Variants in VPS53 observed in about 807,000 individuals in gnomAD.
The protein encoded by VPS53 is vacuolar protein sorting-associated protein 53 homolog.
VPS53 carries 70 observed loss-of-function variants against 107.0 expected under a neutral mutation model. The observed-to-expected ratio is 0.65, with a 90% CI of 0.54 to 0.80. The LOEUF is 0.80. Ranked by LOEUF, VPS53 falls within the 30% of genes least tolerant of loss-of-function variation. VPS53 has a pLI of 0.00. For synonymous variants in VPS53, 409 were observed against 393.3 expected (o/e 1.04, Z -0.47); for missense variants, 917 against 1,049.4 (o/e 0.87, Z 1.74).
rs10677094 is a variant in VPS53, at chr17:525,996, CAAAAAAAAAA to C, written c.2086-4268_2086-4259del. On this transcript the variant is annotated intron_variant, in intron 19 of 21. Coordinates refer to ENST00000437048, the MANE Select transcript of VPS53 (RefSeq NM_001128159.3). ...TGGGCAACACGGTGAGACATTTTCT[CAAAAAAAAAA>C]AAAAAAAAAAAAAAGATGTAAAGTA... Among the ~76,000 whole-genome samples the C allele has an allele frequency of 1.1e-4, 8 of 74,686 alleles. No individual in the cohort carries two copies. In the Admixed American group the frequency reaches 1.3e-3, roughly 13 times the overall value. The allele number at this position is 74,686 out of a possible 152,430, so 49.0% of individuals were successfully genotyped here.
intron 20 of VPS53, 35 bp downstream of exon 20, chr17:521,566 A>T (rs1424368497): frequency 6.7e-7 from 1 of 1,503,248 alleles, no homozygotes; most frequent in African/African-American, 1.4e-5. Flanking sequence ...AAGAGATTAA[A>T]TAAATAACTG....
At chr17:682,223 C>T (rs1283760448) in intron 4 of VPS53, among the ~76,000 whole-genome samples, 1 of 152,072 alleles carries the variant, frequency 6.6e-6, no homozygotes, top group African/African-American at 2.4e-5. Context: ...GGATTAGCTG[C>T]AGTGTGGGAT....
chr17:595,976 G>A (rs149604061), intron 12 of VPS53, among the ~76,000 whole-genome samples: 27,575 of 145,562 alleles, frequency 0.19, 2,025 homozygotes, highest in Non-Finnish European at 0.25. Flanking sequence ...CCCCCTGGAG[G>A]AAGCTGGGAG....
chr17:586,212 A>C, intron 13 of VPS53, 58 bp downstream of exon 13: 2 of 1,521,366 alleles, frequency 1.3e-6, no homozygotes, highest in East Asian at 2.3e-5. Context: ...CCTAAGACCC[A>C]GTCATGACCA....
intron 2 of VPS53, among the ~76,000 whole-genome samples, chr17:709,885 G>A (rs551857073): frequency 2.8e-4 from 42 of 152,246 alleles, no homozygotes; most frequent in African/African-American, 9.9e-4. Flanking sequence ...AGTGGCTCAC[G>A]CCTGTAATCC....
chr17:635,878 G>A (rs540445864), intron 7 of VPS53, among the ~76,000 whole-genome samples: 39 of 152,240 alleles, frequency 2.6e-4, no homozygotes, highest in Middle Eastern at 3.4e-3. Flanking sequence ...TTGGCAATGC[G>A]GGACCTTTTT....
intron 4 of VPS53, among the ~76,000 whole-genome samples, chr17:691,453 G>A (rs1597492482): frequency 6.6e-6 from 1 of 152,162 alleles, no homozygotes; most frequent in South Asian, 2.1e-4. Flanking sequence ...TCCTGAACTG[G>A]GTGGAAGATT....
At chr17:706,921 C>A (rs1973429116) in intron 2 of VPS53, among the ~76,000 whole-genome samples, 1 of 152,172 alleles carries the variant, frequency 6.6e-6, no homozygotes, top group Non-Finnish European at 1.5e-5. Flanking sequence ...CCACCTCCAT[C>A]CCTTGCTCGT....
At chr17:564,354 T>G (rs60587631) in intron 13 of VPS53, among the ~76,000 whole-genome samples, 76,119 of 150,930 alleles carry the variant, frequency 0.5, 20,460 homozygotes, top group African/African-American at 0.7. Context: ...TCCTAACACG[T>G]TGAAACCCCG....
At chr17:568,983 T>A (rs1321016326) in intron 13 of VPS53, among the ~76,000 whole-genome samples, 13 of 152,200 alleles carry the variant, frequency 8.5e-5, no homozygotes. Context: ...CAAGGCAATC[T>A]GGAAGCAATG....
At position 519,792 on chromosome 17, in the gene VPS53, T is replaced by C; in HGVS notation, c.2328+34A>G. 2 of 1,429,800 alleles carry C rather than the reference T, an allele frequency of 1.4e-6. No individual in the cohort carries two copies. Among genetic ancestry groups the C allele is most frequent in the East Asian group, 2.5e-5 (1 of 40,312 alleles). The allele number at this position is 1,429,800 out of a possible 1,614,324, so 88.6% of individuals were successfully genotyped here. A position where few individuals can be genotyped will look rare whatever the true frequency, so the allele number is the denominator to read the frequency against. ...TAAGAACCGCTGAGTGTGAGGGGGA[T>C]GAGCAGGTGTGGACCAAATGTCCCG... On this transcript the variant is annotated intron_variant, in intron 21 of 21. Coordinates refer to ENST00000437048, the MANE Select transcript of VPS53 (RefSeq NM_001128159.3). The surrounding 1 kb of genome is among the most constrained non-coding windows in gnomAD (Gnocchi z 5.0).
chr17:585,340 C>T (rs1200708604), intron 13 of VPS53, among the ~76,000 whole-genome samples: 1 of 152,184 alleles, frequency 6.6e-6, no homozygotes, highest in Non-Finnish European at 1.5e-5. Flanking sequence ...CCAGTACACA[C>T]TGAGGTCGTG....
At chr17:713,880 C>CA (rs59315713) in intron 1 of VPS53, among the ~76,000 whole-genome samples, 2,094 of 138,394 alleles carry the variant, frequency 0.015, 36 homozygotes, top group African/African-American at 0.043. Flanking sequence ...GTCTTTACCC[C>CA]AAAAAAAAAA....
intron 4 of VPS53, among the ~76,000 whole-genome samples, chr17:690,202 G>A (rs1490843671): frequency 1.3e-5 from 2 of 152,188 alleles, no homozygotes; most frequent in Non-Finnish European, 2.9e-5. Context: ...ATCTTGATGG[G>A]ATAAACAATC....
intron 5 of VPS53, among the ~76,000 whole-genome samples, chr17:659,835 C>T (rs1194062325): frequency 1.3e-5 from 2 of 152,214 alleles, no homozygotes; most frequent in Admixed American, 1.3e-4. Flanking sequence ...CACTGCTCTG[C>T]ACTGGAGCTG....
At chr17:597,039 T>C (rs1968008287) in intron 12 of VPS53, among the ~76,000 whole-genome samples, 1 of 152,194 alleles carries the variant, frequency 6.6e-6, no homozygotes, top group Non-Finnish European at 1.5e-5. Flanking sequence ...CTGTTATGCT[T>C]TCAGTGTCCC....
At chr17:673,430 G>A (rs1032935551) in intron 4 of VPS53, among the ~76,000 whole-genome samples, 4 of 152,168 alleles carry the variant, frequency 2.6e-5, no homozygotes, top group African/African-American at 4.8e-5. Context: ...TCTCCACGAC[G>A]GTGCTCAACA....
rs150758589 is a variant in VPS53 at position 633,982 on chromosome 17, C to CA, written c.609-2355dup. Among the ~76,000 whole-genome samples the CA allele has an allele frequency of 2.1e-3, 316 of 152,258 alleles. 8 individuals carry two copies. The East Asian group carries it at 0.055, about 27-fold the overall frequency. On this transcript the variant is annotated intron_variant, in intron 7 of 21. Coordinates refer to ENST00000437048, the MANE Select transcript of VPS53 (RefSeq NM_001128159.3). The stretch of plus-strand genomic sequence containing the variant: ...ACACAGCACCAGTTCCCTCCTAAGC[C>CA]ACAGGGAACTTATAGTAGGAACTTT...
At chr17:549,450 A>G (rs3744732) in intron 17 of VPS53, among the ~76,000 whole-genome samples, 16,737 of 150,840 alleles carry the variant, frequency 0.11, 997 homozygotes, top group East Asian at 0.15. Flanking sequence ...CTCTGTTCGT[A>G]TTTGCTGGTG....
Sources: gnomAD v4.1 joint callset for allele counts (sites outside exome capture counted in the v4.1 genomes callset) on GRCh38, gnomAD v4.1.1 for gene constraint, Gnocchi (gnomAD v3.1) non-coding constraint, MANE v1.5 for transcripts, NCBI Gene and HGNC (gene_info 2026-07-23, HGNC 2026-07-21) for gene names.